The following ZNF385D variants were observed in gnomAD, a reference collection of about 807,000 sequenced individuals.
ZNF385D encodes zinc finger protein 385D.
ZNF385D carries 15 observed loss-of-function variants against 35.8 expected under a neutral mutation model. That is an observed-to-expected ratio of 0.42 (90% confidence interval 0.28 to 0.64). ZNF385D has a LOEUF of 0.64. Among genes scored for constraint, ZNF385D ranks in the 30% least tolerant of loss-of-function variants. The pLI, the probability that ZNF385D is intolerant of heterozygous loss-of-function variation, is 0.23. For missense variants in ZNF385D, 474 were observed against 494.6 expected (o/e 0.96, Z 0.39); for synonymous variants, 212 against 186.8 (o/e 1.13, Z -1.10).
chr3:21,810,943 C>T (rs1230897537), intron 3 of ZNF385D, among the ~76,000 whole-genome samples: 1 of 134,238 alleles, frequency 7.4e-6, no homozygotes, highest in Non-Finnish European at 1.5e-5. Flanking sequence ...CACAGCACAT[C>T]ACACACACAC....
chr3:21,430,254 T>A (rs989938767), intron 5 of ZNF385D, among the ~76,000 whole-genome samples: 8 of 151,768 alleles, frequency 5.3e-5, no homozygotes, highest in African/African-American at 1.7e-4. Flanking sequence ...AAAAAAAAAA[T>A]TCTATCATTT....
At chr3:21,940,508 G>A (rs1268869464) in intron 3 of ZNF385D, among the ~76,000 whole-genome samples, 1 of 152,180 alleles carries the variant, frequency 6.6e-6, no homozygotes, top group Non-Finnish European at 1.5e-5. Flanking sequence ...CAACATTCAA[G>A]TCAACAAAGT....
At chr3:21,905,405 T>C (rs999280421) in intron 3 of ZNF385D, among the ~76,000 whole-genome samples, 4 of 151,934 alleles carry the variant, frequency 2.6e-5, no homozygotes, top group Non-Finnish European at 5.9e-5. Context: ...TATCCAAGGT[T>C]GTATTTATTC....
At chr3:22,107,868 G>T (rs371183846) in intron 3 of ZNF385D, among the ~76,000 whole-genome samples, 1 of 151,788 alleles carries the variant, frequency 6.6e-6, no homozygotes, top group East Asian at 1.9e-4. Context: ...CAAAATTCAG[G>T]TGTTGTCAAT....
intron 3 of ZNF385D, among the ~76,000 whole-genome samples, chr3:21,863,814 A>T (rs1697185785): frequency 6.6e-6 from 1 of 152,166 alleles, no homozygotes; most frequent in African/African-American, 2.4e-5. Context: ...CTATTAGTGT[A>T]TCTGTGCATG....
chr3:22,246,781 A>G (rs916630784), intron 2 of ZNF385D, among the ~76,000 whole-genome samples: 1 of 152,152 alleles, frequency 6.6e-6, no homozygotes, highest in African/African-American at 2.4e-5. Flanking sequence ...ATTCTGTCTT[A>G]CATGTTCCCA....
intron 3 of ZNF385D, among the ~76,000 whole-genome samples, chr3:21,980,929 G>A (rs986406547): frequency 6.6e-6 from 1 of 152,012 alleles, no homozygotes; most frequent in African/African-American, 2.4e-5. Context: ...AGCATTCCAT[G>A]GTATATATGT....
chr3:21,567,703 A>C (rs1404899689), intron 2 of ZNF385D, among the ~76,000 whole-genome samples: 2 of 152,224 alleles, frequency 1.3e-5, no homozygotes, highest in Non-Finnish European at 2.9e-5. Context: ...TAACCCATTA[A>C]GGAATATTGA....
At chr3:22,268,827 T>A (rs377581803) in intron 2 of ZNF385D, among the ~76,000 whole-genome samples, 1 of 151,964 alleles carries the variant, frequency 6.6e-6, no homozygotes, top group Non-Finnish European at 1.5e-5. Flanking sequence ...GCTAGCTGTA[T>A]AGCCTCATGT....
chr3:22,235,628 A>T (rs578184910), intron 2 of ZNF385D, among the ~76,000 whole-genome samples: 1 of 152,228 alleles, frequency 6.6e-6, no homozygotes, highest in African/African-American at 2.4e-5. Context: ...CTGTGCAGAG[A>T]ATTTCTTTAA....
chr3:21,518,152 T>C (rs928336137), intron 3 of ZNF385D, among the ~76,000 whole-genome samples: 5 of 152,210 alleles, frequency 3.3e-5, no homozygotes, highest in African/African-American at 1.2e-4. Flanking sequence ...TTAAGATGAA[T>C]GTATAATCAT....
At chr3:21,946,974 T>C (rs955470333) in intron 3 of ZNF385D, among the ~76,000 whole-genome samples, 4 of 151,052 alleles carry the variant, frequency 2.6e-5, no homozygotes, top group African/African-American at 7.3e-5. Context: ...ATTGGTCTTG[T>C]GGATTAATGC....
At chr3:21,578,278 G>T (rs576468932) in intron 2 of ZNF385D, among the ~76,000 whole-genome samples, 2 of 152,224 alleles carry the variant, frequency 1.3e-5, no homozygotes, top group South Asian at 4.1e-4. Context: ...TCTACAGGCT[G>T]TCTCTTCCCT....
chr3:22,257,640 C>T (rs1700383915), intron 2 of ZNF385D, among the ~76,000 whole-genome samples: 1 of 151,802 alleles, frequency 6.6e-6, no homozygotes, highest in African/African-American at 2.4e-5. Context: ...CTACTCTGCC[C>T]AGCATCTGAG....
At chr3:22,179,583 T>C (rs566901695) in intron 2 of ZNF385D, among the ~76,000 whole-genome samples, 8 of 152,196 alleles carry the variant, frequency 5.3e-5, no homozygotes, top group Admixed American at 2.0e-4. Context: ...TTTATTTCCT[T>C]CTCCTGCCTG....
chr3:22,123,934 CT>C (rs1703255926), intron 3 of ZNF385D, among the ~76,000 whole-genome samples: 1 of 88,946 alleles, frequency 1.1e-5, no homozygotes, highest in African/African-American at 4.2e-5. Context: ...CTCTCTCTCT[CT>C]CTCTCTCTCT....
At chr3:22,306,795 G>A (rs1421717288) in intron 2 of ZNF385D, among the ~76,000 whole-genome samples, 2 of 152,054 alleles carry the variant, frequency 1.3e-5, no homozygotes, top group African/African-American at 4.8e-5. Context: ...TAGGCTTACT[G>A]GATTTGTACA....
intron 2 of ZNF385D, among the ~76,000 whole-genome samples, chr3:22,326,237 T>C (rs1017920899): frequency 6.6e-6 from 1 of 152,144 alleles, no homozygotes; most frequent in Admixed American, 6.5e-5. Flanking sequence ...AATGTCTCCA[T>C]TGTAATCAAA....
At chr3:22,109,681 AT>A (rs1702407531) in intron 3 of ZNF385D, among the ~76,000 whole-genome samples, 1 of 152,216 alleles carries the variant, frequency 6.6e-6, no homozygotes, top group East Asian at 1.9e-4. Flanking sequence ...GTGCTCCTGT[AT>A]TGGGGGCATA....
Sources: gnomAD v4.1 joint callset for allele counts (sites outside exome capture counted in the v4.1 genomes callset) on GRCh38, gnomAD v4.1.1 for gene constraint, MANE v1.5 for transcripts, NCBI Gene and HGNC (gene_info 2026-07-23, HGNC 2026-07-21) for gene names.